Variants in DHX35 observed in about 807,000 individuals in gnomAD.
DHX35 encodes probable ATP-dependent RNA helicase DHX35.
Under a neutral mutation model 99.6 loss-of-function variants are expected in DHX35, and 84 were observed. That is an observed-to-expected ratio of 0.84 (90% confidence interval 0.71 to 1.01). The LOEUF is 1.01. Ranked by LOEUF, DHX35 falls within the 50% of genes least tolerant of loss-of-function variation. The probability of loss-of-function intolerance (pLI) is 0.00; values close to 1 mark genes in which losing one functional copy is unlikely to be tolerated. For missense variants in DHX35, 852 were observed against 888.5 expected (o/e 0.96, Z 0.52); for synonymous variants, 331 against 316.2 (o/e 1.05, Z -0.50).
intron 1 of DHX35, among the ~76,000 whole-genome samples, chr20:38,964,092 T>C (rs562196871): frequency 1.7e-4 from 26 of 152,328 alleles, no homozygotes; most frequent in South Asian, 6.2e-4. Flanking sequence ...CTATTATAAT[T>C]ATATGGAAGT....
At chr20:39,008,061 T>C (rs529540595) in intron 12 of DHX35, among the ~76,000 whole-genome samples, 1 of 152,248 alleles carries the variant, frequency 6.6e-6, no homozygotes, top group African/African-American at 2.4e-5. Context: ...TCTTTCTGGC[T>C]ACCAGTCCCT....
rs771913851 is a variant in DHX35 at position 39,030,772 on chromosome 20, G to A, written c.1952G>A (p.Arg651His). 2.4e-5 allele frequency: 39 copies of A among 1,613,982 alleles called. No homozygotes were observed. The highest frequency in any genetic ancestry group is 1.2e-4 in the African/African-American group (9 of 74,916). The change falls in exon 20 of 22, where the codon CGC becomes CAC. Residue 651 changes from arginine to histidine, a missense_variant. Coordinates refer to ENST00000252011, the MANE Select transcript of DHX35 (RefSeq NM_021931.4). ...ASVLYAEKPP[R>H]WVIYNEVIQT... The stretch of plus-strand genomic sequence containing the variant: ...GTCCTCTATGCAGAGAAGCCGCCTC[G>A]CTGGTAAGCTCATCCTGCTGCTTAG...
chr20:39,013,543 G>T (rs1253898624), intron 13 of DHX35, among the ~76,000 whole-genome samples: 1 of 152,244 alleles, frequency 6.6e-6, no homozygotes, highest in Non-Finnish European at 1.5e-5. Context: ...CTATGGATAA[G>T]ATTTTTGTGG....
At chr20:38,984,019 C>T (rs191778781) in intron 4 of DHX35, among the ~76,000 whole-genome samples, 118 of 152,300 alleles carry the variant, frequency 7.7e-4, no homozygotes, top group Admixed American at 2.2e-3. Context: ...AAGCAATTCT[C>T]CTGCCTCAGC....
intron 3 of DHX35, among the ~76,000 whole-genome samples, chr20:38,973,382 G>A (rs575669303): frequency 8.8e-4 from 134 of 152,242 alleles, no homozygotes; most frequent in Non-Finnish European, 1.6e-3. Flanking sequence ...ATTTCTGCAA[G>A]TGGAATACAT....
chr20:39,012,566 G>T (rs1217527092), intron 13 of DHX35, among the ~76,000 whole-genome samples: 3 of 150,714 alleles, frequency 2.0e-5, no homozygotes, highest in African/African-American at 7.3e-5. Flanking sequence ...GTCTCTCTCT[G>T]TCACCCAGGC....
chr20:39,003,199 G>C (rs1375671946), intron 10 of DHX35, among the ~76,000 whole-genome samples: 1 of 152,170 alleles, frequency 6.6e-6, no homozygotes, highest in Admixed American at 6.5e-5. Context: ...TGTTGCTGCT[G>C]TGTACCTCTT....
chr20:38,994,342 C>A (rs953015011), intron 7 of DHX35, among the ~76,000 whole-genome samples: 1 of 151,800 alleles, frequency 6.6e-6, no homozygotes, highest in African/African-American at 2.4e-5. Context: ...GGTCACTTCT[C>A]CAATGCCTGT....
Position 39,010,364 on chromosome 20 carries a change from C to A in DHX35, c.1307C>A (p.Ala436Glu). ...GCACCTGTCATCCTGCAGCTGAAAG[C>A]ACTAGGAATTGACAATGTCCTCAGG... ...NLAPVILQLKALGIDNVLRFH... is the reference protein window; with the variant it reads ...NLAPVILQLKELGIDNVLRFH... The change falls in exon 13 of 22, where the codon GCA (alanine) becomes GAA (glutamate). Residue 436 changes from alanine (A) to glutamate (E), a missense_variant. Coordinates refer to ENST00000252011, the MANE Select transcript of DHX35 (RefSeq NM_021931.4). The A allele has an allele frequency of 6.2e-7, 1 of 1,614,158 alleles. No homozygotes were observed. The highest frequency in any genetic ancestry group is 2.2e-5 in the East Asian group (1 of 44,878).
chr20:38,986,458 T>C (rs948354605), intron 4 of DHX35, among the ~76,000 whole-genome samples: 1 of 152,232 alleles, frequency 6.6e-6, no homozygotes, highest in Admixed American at 6.5e-5. Flanking sequence ...TTTTACCTTA[T>C]AGACCCATAA....
intron 19 of DHX35, 43 bp from the exon 20 acceptor site, chr20:39,030,661 G>A (rs373533615): frequency 3.2e-6 from 5 of 1,564,106 alleles, no homozygotes; most frequent in Non-Finnish European, 4.4e-6. Flanking sequence ...CTTGCTATAA[G>A]TATTTAAAAT....
At chr20:38,999,124 T>A (rs2086477068) in intron 8 of DHX35, among the ~76,000 whole-genome samples, 1 of 152,162 alleles carries the variant, frequency 6.6e-6, no homozygotes, top group Non-Finnish European at 1.5e-5. Context: ...AACTCTTTAC[T>A]TTTCAGTACC....
chr20:39,002,986 A>C, intron 10 of DHX35, 118 bp downstream of exon 10: 2 of 894,594 alleles, frequency 2.2e-6, no homozygotes, highest in South Asian at 3.5e-5. Flanking sequence ...TTGTGGTTCC[A>C]TAATTGTGTA....
chr20:39,024,690 A>G (rs765038237), intron 17 of DHX35, among the ~76,000 whole-genome samples: 4 of 152,226 alleles, frequency 2.6e-5, no homozygotes, highest in Non-Finnish European at 5.9e-5. Context: ...TTAACTTACA[A>G]TAGAATTTCA....
chr20:39,038,461 A>G lies in DHX35; in HGVS notation c.2068-38A>G, dbSNP rs143483646. On this transcript the variant is annotated intron_variant, in intron 21 of 21. Transcript: ENST00000252011. ...ATGTTGCAGTCTGGTTTCTTTGTCT[A>G]ATCAACCCCAACTGTAGTGTCTTCT... The G allele has an allele frequency of 4.7e-5, 76 of 1,612,640 alleles. No individual in the cohort carries two copies. The African/African-American group carries it at 8.7e-4, about 18-fold the overall frequency.
chr20:38,965,500 G>A (rs2085897166), intron 1 of DHX35, among the ~76,000 whole-genome samples: 2 of 152,098 alleles, frequency 1.3e-5, no homozygotes, highest in African/African-American at 4.8e-5. Context: ...GTGGCAGAGT[G>A]TGCATACACT....
intron 19 of DHX35, 71 bp downstream of exon 19, chr20:39,028,570 C>G: frequency 6.7e-7 from 1 of 1,499,100 alleles, no homozygotes; most frequent in Non-Finnish European, 9.3e-7. Context: ...CCACAGAAAG[C>G]TGTGCAGAGA....
intron 12 of DHX35, among the ~76,000 whole-genome samples, chr20:39,009,560 G>A (rs1045135541): frequency 6.6e-6 from 1 of 151,966 alleles, no homozygotes; most frequent in African/African-American, 2.4e-5. Context: ...TAATCCTTAA[G>A]CTTTCTGAAT....
At chr20:38,982,346 T>TA (rs2086186760) in intron 3 of DHX35, among the ~76,000 whole-genome samples, 1 of 152,258 alleles carries the variant, frequency 6.6e-6, no homozygotes, top group African/African-American at 2.4e-5. Flanking sequence ...TCTTTAGCCT[T>TA]ACAACATACA....
Sources: gnomAD v4.1 joint callset for allele counts (sites outside exome capture counted in the v4.1 genomes callset) on GRCh38, gnomAD v4.1.1 for gene constraint, MANE v1.5 for transcripts, NCBI Gene and HGNC (gene_info 2026-07-23, HGNC 2026-07-21) for gene names.